PPP3CA: variants seen among roughly 807,000 people sequenced by gnomAD.
The protein encoded by PPP3CA is CAM-PRP catalytic subunit.
In PPP3CA, 14 loss-of-function variants were observed where a neutral mutation model predicts 66.5. The observed-to-expected ratio is 0.21, with a 90% CI of 0.14 to 0.33. PPP3CA has a LOEUF of 0.33. Ranked by LOEUF, PPP3CA falls within the 10% of genes least tolerant of loss-of-function variation. The pLI is 1.00. For synonymous variants in PPP3CA, 232 were observed against 226.2 expected, an observed-to-expected ratio of 1.03 and a Z score of -0.23; for missense variants, 317 against 639.5, an observed-to-expected ratio of 0.50 and a Z score of 5.44.
At chr4:101,233,502 C>T (rs569728629) in intron 1 of PPP3CA, among the ~76,000 whole-genome samples, 6 of 151,700 alleles carry the variant, frequency 4.0e-5, no homozygotes, top group African/African-American at 1.4e-4. Context: ...TTATTTTGTT[C>T]GCATTTTTAA....
chr4:101,158,614 GT>G (rs1406095847), intron 2 of PPP3CA, among the ~76,000 whole-genome samples: 1 of 152,162 alleles, frequency 6.6e-6, no homozygotes, highest in Non-Finnish European at 1.5e-5. Flanking sequence ...GCAGGTCTAG[GT>G]TTTTGGGGCC....
chr4:101,205,156 C>T (rs776917711), intron 1 of PPP3CA, among the ~76,000 whole-genome samples: 13 of 151,680 alleles, frequency 8.6e-5, no homozygotes, highest in Middle Eastern at 6.8e-3. Context: ...AGAAAAATGC[C>T]ATAGGAGAAT....
chr4:101,176,347 G>T (rs994434242), intron 2 of PPP3CA, among the ~76,000 whole-genome samples: 1 of 152,164 alleles, frequency 6.6e-6, no homozygotes, highest in Non-Finnish European at 1.5e-5. Flanking sequence ...ATAACGTGCT[G>T]CAGAAGTAAA....
At chr4:101,315,754 G>A (rs1273005631) in intron 1 of PPP3CA, among the ~76,000 whole-genome samples, 1 of 152,162 alleles carries the variant, frequency 6.6e-6, no homozygotes, top group Non-Finnish European at 1.5e-5. Context: ...AAGTCATCAA[G>A]GATTTGGACT....
At chr4:101,170,047 G>A (rs2110314334) in intron 2 of PPP3CA, among the ~76,000 whole-genome samples, 1 of 152,140 alleles carries the variant, frequency 6.6e-6, no homozygotes, top group Non-Finnish European at 1.5e-5. Context: ...ATAAAATACA[G>A]TATTTATTTG....
At chr4:101,236,042 A>G (rs1285784077) in intron 1 of PPP3CA, among the ~76,000 whole-genome samples, 5 of 151,916 alleles carry the variant, frequency 3.3e-5, no homozygotes, top group African/African-American at 1.2e-4. Context: ...GAAAAAAAAA[A>G]AGAAAAGGAA....
chr4:101,244,636 A>C (rs1315252500), intron 1 of PPP3CA, among the ~76,000 whole-genome samples: 3 of 152,206 alleles, frequency 2.0e-5, no homozygotes, highest in African/African-American at 7.2e-5. Flanking sequence ...AACACACTAA[A>C]TCAACACATG....
At chr4:101,271,401 G>A (rs1727332233) in intron 1 of PPP3CA, among the ~76,000 whole-genome samples, 1 of 151,996 alleles carries the variant, frequency 6.6e-6, no homozygotes. Context: ...GTTACAAGCA[G>A]AAGTTAATAC....
intron 2 of PPP3CA, among the ~76,000 whole-genome samples, chr4:101,111,560 C>T (rs1302564320): frequency 1.3e-5 from 2 of 151,952 alleles, no homozygotes; most frequent in Non-Finnish European, 2.9e-5. Context: ...TTAAAACATC[C>T]CCAAGACAAA....
intron 8 of PPP3CA, among the ~76,000 whole-genome samples, chr4:101,072,379 C>T (rs1392218714): frequency 6.6e-6 from 1 of 152,122 alleles, no homozygotes; most frequent in African/African-American, 2.4e-5. Flanking sequence ...CAGAAGAGTA[C>T]AGACAGAGGT....
In PPP3CA at chr4:101,040,534, T is replaced by C. The variant is rs1201745966; in HGVS notation, c.1189A>G (p.Arg397Gly). 6.2e-7 allele frequency: 1 copy of C among 1,613,450 alleles called. No individual in the cohort carries two copies. The highest frequency in any genetic ancestry group is 1.3e-5 in the African/African-American group (1 of 74,908). ...ATAAARKEVI[R>G]NKIRAIGKMA... ...TTGCCTATTGCTCGGATCTTGTTCCTTATCACCTCTTTCCGGGCTGCAGCT... is the reference window on the plus strand; with the variant it reads ...TTGCCTATTGCTCGGATCTTGTTCCCTATCACCTCTTTCCGGGCTGCAGCT... The change falls in exon 11 of 14, where the codon AGG (arginine) becomes GGG (glycine). Residue 397 changes from arginine (R) to glycine (G), a missense_variant. Physicochemically the swap from Arg to Gly is moderately radical, Grantham distance 125. Transcript: ENST00000394854.
intron 1 of PPP3CA, among the ~76,000 whole-genome samples, chr4:101,246,900 C>T (rs1726499267): frequency 6.6e-6 from 1 of 152,168 alleles, no homozygotes; most frequent in Non-Finnish European, 1.5e-5. Flanking sequence ...TTGCAGGCTT[C>T]TCCTATAACC....
intron 10 of PPP3CA, among the ~76,000 whole-genome samples, chr4:101,059,379 G>A (rs545242665): frequency 1.3e-5 from 2 of 151,988 alleles, no homozygotes; most frequent in South Asian, 2.1e-4. Flanking sequence ...ATCTCCTTGC[G>A]ATGTGGTATA....
At chr4:101,078,614 C>A (rs1023239380) in intron 8 of PPP3CA, among the ~76,000 whole-genome samples, 1 of 152,098 alleles carries the variant, frequency 6.6e-6, no homozygotes, top group Non-Finnish European at 1.5e-5. Flanking sequence ...TTTTAAAAAT[C>A]AAATCATACT....
chr4:101,132,340 A>G (rs992824993), intron 2 of PPP3CA, among the ~76,000 whole-genome samples: 10 of 151,498 alleles, frequency 6.6e-5, no homozygotes, highest in African/African-American at 2.2e-4. Flanking sequence ...AGATTAAGAA[A>G]ATAGACCACT....
At chr4:101,047,568 G>A (rs2110215437) in intron 10 of PPP3CA, among the ~76,000 whole-genome samples, 1 of 151,970 alleles carries the variant, frequency 6.6e-6, no homozygotes, top group East Asian at 1.9e-4. Context: ...CTTTGAAATT[G>A]AGTTCCACTT....
intron 2 of PPP3CA, among the ~76,000 whole-genome samples, chr4:101,123,007 A>G (rs1408881080): frequency 1.3e-5 from 2 of 152,202 alleles, no homozygotes; most frequent in Non-Finnish European, 2.9e-5. Context: ...ACAATTATAA[A>G]TTAAAATAAT....
At chr4:101,344,464 AC>A (rs966873771) in intron 1 of PPP3CA, among the ~76,000 whole-genome samples, 1 of 152,194 alleles carries the variant, frequency 6.6e-6, no homozygotes, top group African/African-American at 2.4e-5. Context: ...CATCAACAAA[AC>A]TTCTATAAAC....
In PPP3CA at chr4:101,216,036, G is replaced by T. The variant is rs537399830; in HGVS notation, c.59-19920C>A. Among the ~76,000 whole-genome samples the T allele has an allele frequency of 3.9e-5, 6 of 152,194 alleles. No individual in the cohort carries two copies. The South Asian group carries it at 1.2e-3, about 32-fold the overall frequency. The stretch of plus-strand genomic sequence containing the variant: ...AAACAACTATCTCGCTTAATTAAAA[G>T]AGAAAGTCCCTAAATCTTAAATGTT... On this transcript the variant is annotated intron_variant, in intron 1 of 13. Transcript: ENST00000394854.
Sources: gnomAD v4.1 joint callset for allele counts (sites outside exome capture counted in the v4.1 genomes callset) on GRCh38, gnomAD v4.1.1 for gene constraint, MANE v1.5 for transcripts, NCBI Gene and HGNC (gene_info 2026-07-23, HGNC 2026-07-21) for gene names.